RBFOX3: variants seen among roughly 807,000 people sequenced by gnomAD.
The protein encoded by RBFOX3 is RNA binding protein fox-1 homolog 3.
Under a neutral mutation model 48.7 loss-of-function variants are expected in RBFOX3, and 17 were observed. That is an observed-to-expected ratio of 0.35 (90% CI 0.24 to 0.52). RBFOX3 has a LOEUF of 0.52. RBFOX3 is among the 20% of genes least tolerant of loss of function. RBFOX3 has a pLI of 0.94. For missense variants in RBFOX3, 382 were observed against 497.5 expected, an observed-to-expected ratio of 0.77 and a Z score of 2.21; for synonymous variants, 212 against 209.5, an observed-to-expected ratio of 1.01 and a Z score of -0.10.
At chr17:79,175,511 C>G (rs1337717346) in intron 4 of RBFOX3, among the ~76,000 whole-genome samples, 1 of 152,256 alleles carries the variant, frequency 6.6e-6, no homozygotes, top group Non-Finnish European at 1.5e-5. Flanking sequence ...GGGGTCCTTT[C>G]CCGCGGGCGT....
intron 2 of RBFOX3, among the ~76,000 whole-genome samples, chr17:79,351,119 A>G (rs997462103): frequency 6.6e-6 from 1 of 152,216 alleles, no homozygotes; most frequent in Non-Finnish European, 1.5e-5. Context: ...CAGGCTATGT[A>G]ATATTCATGG....
intron 2 of RBFOX3, among the ~76,000 whole-genome samples, chr17:79,337,286 G>A (rs1171625117): frequency 2.0e-5 from 3 of 152,166 alleles, no homozygotes; most frequent in Non-Finnish European, 2.9e-5. Flanking sequence ...GTGGGATGGA[G>A]CCACACATCC....
At chr17:79,455,595 A>T (rs537074154) in intron 2 of RBFOX3, among the ~76,000 whole-genome samples, 6 of 152,150 alleles carry the variant, frequency 3.9e-5, no homozygotes, top group Non-Finnish European at 8.8e-5. Flanking sequence ...ACACACACAC[A>T]CGCACGCAGT....
intron 1 of RBFOX3, among the ~76,000 whole-genome samples, chr17:79,505,668 GC>G (rs1311735726): frequency 1.3e-5 from 2 of 152,240 alleles, no homozygotes; most frequent in Non-Finnish European, 2.9e-5. Flanking sequence ...AGGTGTATGA[GC>G]CTGGAGGTGT....
chr17:79,437,817 G>A (rs1337074051), intron 2 of RBFOX3, among the ~76,000 whole-genome samples: 4 of 152,214 alleles, frequency 2.6e-5, no homozygotes, highest in Non-Finnish European at 4.4e-5. Context: ...TCTGCCCTTT[G>A]GGAATCTGGA....
intron 1 of RBFOX3, among the ~76,000 whole-genome samples, chr17:79,503,008 G>A (rs1249870845): frequency 6.6e-6 from 1 of 152,220 alleles, no homozygotes; most frequent in Non-Finnish European, 1.5e-5. Flanking sequence ...CTGCAGGCTG[G>A]GAGTCCGAGA....
At position 79,146,156 on chromosome 17, in the gene RBFOX3, C is replaced by T. The variant is rs964825369; in HGVS notation, c.-33-30408G>A. On this transcript the variant is annotated intron_variant, in intron 4 of 14. Coordinates refer to ENST00000693108, the MANE Select transcript of RBFOX3 (RefSeq NM_001350451.2). Reference sequence around the variant, plus strand: ...ACAGACGAAGCTTCACTCCTCTGCCCGCTGCTCACCTCCTGCTGTGCGCCC... The same window carrying T: ...ACAGACGAAGCTTCACTCCTCTGCCTGCTGCTCACCTCCTGCTGTGCGCCC... Among the ~76,000 whole-genome samples, 8 of 152,126 alleles carry T rather than the reference C, an allele frequency of 5.3e-5. 1 individual carries two copies. Among genetic ancestry groups the T allele is most frequent in the Non-Finnish European group, 1.0e-4 (7 of 68,006 alleles).
At chr17:79,165,493 C>T (rs57729852) in intron 4 of RBFOX3, among the ~76,000 whole-genome samples, 20,760 of 152,112 alleles carry the variant, frequency 0.14, 2,279 homozygotes, top group African/African-American at 0.29. Flanking sequence ...GGACAGGTGG[C>T]GGGGGCCCCT....
At chr17:79,170,821 TC>T (rs1161320066) in intron 4 of RBFOX3, among the ~76,000 whole-genome samples, 1 of 152,152 alleles carries the variant, frequency 6.6e-6, no homozygotes, top group African/African-American at 2.4e-5. Context: ...TCAAAATTTC[TC>T]AGCCTAGAGC....
intron 4 of RBFOX3, among the ~76,000 whole-genome samples, chr17:79,176,403 T>C (rs189817176): frequency 3.3e-5 from 5 of 152,294 alleles, no homozygotes; most frequent in Admixed American, 3.3e-4. Flanking sequence ...GCAGGGCCCA[T>C]GGCATGAGCC....
intron 3 of RBFOX3, among the ~76,000 whole-genome samples, chr17:79,288,314 C>T (rs147784798): frequency 3.7e-4 from 56 of 152,254 alleles, no homozygotes; most frequent in Non-Finnish European, 4.9e-4. Flanking sequence ...CCAGGGAGGA[C>T]GGACGGGCAC....
At position 79,228,316 on chromosome 17, in the gene RBFOX3, T is replaced by C. The variant is rs373933622; in HGVS notation, c.-34+7450A>G. ...AGAGAGAGGTGTGTGTCCTGCTCTC[T>C]GCACCGTGACGCCTCCCGCTCCCTG... On this transcript the variant is annotated intron_variant, in intron 4 of 14. Transcript: ENST00000693108. Among the ~76,000 whole-genome samples the C allele has an allele frequency of 2.6e-4, 39 of 152,312 alleles. No homozygotes were observed. The East Asian group carries it at 3.5e-3, about 14-fold the overall frequency.
At chr17:79,235,550 C>T (rs984877802) in intron 4 of RBFOX3, 1 of 153,440 alleles carries the variant, frequency 6.5e-6, no homozygotes, top group Non-Finnish European at 1.5e-5. Flanking sequence ...CCTTTCCCAG[C>T]ACATTTTGGG....
the RBFOX3 span, among the ~76,000 whole-genome samples, chr17:79,629,774 T>C: frequency 3.3e-5 from 5 of 152,232 alleles, no homozygotes; most frequent in Admixed American, 2.0e-4. Context: ...TCCAGGGTGC[T>C]TGGTAAATAA....
intron 2 of RBFOX3, among the ~76,000 whole-genome samples, chr17:79,464,968 C>T (rs1251169530): frequency 2.0e-5 from 3 of 152,252 alleles, no homozygotes; most frequent in Non-Finnish European, 2.9e-5. Context: ...TGGGGAACCA[C>T]GAGGTGGCCC....
In RBFOX3 at chr17:79,364,489, C is replaced by T. The variant is rs565205178; in HGVS notation, c.-174-56665G>A. ...CAGTGCTGCTCTCCCAGGCCAAGCACGTCTCCCAGGCATCTGATGGGTCAG... is the reference window on the plus strand; with the variant it reads ...CAGTGCTGCTCTCCCAGGCCAAGCATGTCTCCCAGGCATCTGATGGGTCAG... On this transcript the variant is annotated intron_variant, in intron 2 of 14. Coordinates refer to ENST00000693108, the MANE Select transcript of RBFOX3 (RefSeq NM_001350451.2). This position sits in a 1 kb window ranked among gnomAD's most constrained non-coding sequence, Gnocchi z 5.1. 5.3e-5 allele frequency among the ~76,000 whole-genome samples: 8 copies of T among 152,332 alleles called. No individual in the cohort carries two copies. Among genetic ancestry groups the T allele is most frequent in the South Asian group, 2.1e-4 (1 of 4,824 alleles).
chr17:79,639,444 G>C, the RBFOX3 span, among the ~76,000 whole-genome samples: 2 of 152,244 alleles, frequency 1.3e-5, no homozygotes, highest in South Asian at 2.1e-4. Flanking sequence ...CCAAAGTGCT[G>C]GGATTACAGG....
intron 1 of RBFOX3, among the ~76,000 whole-genome samples, chr17:79,497,591 A>T (rs1232762091): frequency 6.6e-6 from 1 of 152,244 alleles, no homozygotes; most frequent in Non-Finnish European, 1.5e-5. Flanking sequence ...TTTCCTCATC[A>T]GTTCTCTGGC....
chr17:79,642,726 G>A, the RBFOX3 span, among the ~76,000 whole-genome samples: 40 of 152,202 alleles, frequency 2.6e-4, no homozygotes, highest in African/African-American at 8.7e-4. Flanking sequence ...AAAGAAGGCC[G>A]AGAAGGAGGT....
Sources: allele counts gnomAD v4.1 joint callset (sites outside exome capture counted in the v4.1 genomes callset), GRCh38; gene constraint gnomAD v4.1.1; non-coding constraint Gnocchi (gnomAD v3.1); transcripts MANE v1.5; gene names NCBI Gene and HGNC (gene_info 2026-07-23, HGNC 2026-07-21).